The following BTRC variants were observed in gnomAD, a reference collection of about 807,000 sequenced individuals.
BTRC encodes the protein F-box/WD repeat-containing protein 1A.
BTRC carries 42 observed loss-of-function variants against 85.5 expected under a neutral mutation model. That is an observed-to-expected ratio of 0.49 (90% CI 0.38 to 0.64). BTRC has a LOEUF of 0.64. Among genes scored for constraint, BTRC ranks in the 30% least tolerant of loss-of-function variants. The pLI, the probability that BTRC is intolerant of heterozygous loss-of-function variation, is 0.00. For missense variants in BTRC, 594 were observed against 743.5 expected, an observed-to-expected ratio of 0.80 and a Z score of 2.34; for synonymous variants, 255 against 263.3, an observed-to-expected ratio of 0.97 and a Z score of 0.30.
chr10:101,496,531 T>C (rs891487813), intron 4 of BTRC, among the ~76,000 whole-genome samples: 7 of 152,192 alleles, frequency 4.6e-5, no homozygotes, highest in African/African-American at 1.4e-4. Context: ...TCCTCTTGCC[T>C]CAGCCTCCCA....
chr10:101,528,713 T>G (rs1271539774), intron 6 of BTRC, among the ~76,000 whole-genome samples: 1 of 152,228 alleles, frequency 6.6e-6, no homozygotes, highest in East Asian at 1.9e-4. Flanking sequence ...AAAAAAAAAT[T>G]TACTCCATCA....
chr10:101,531,930 C>CT (rs1402031811), intron 7 of BTRC, among the ~76,000 whole-genome samples: 4 of 152,048 alleles, frequency 2.6e-5, no homozygotes, highest in African/African-American at 9.7e-5. Flanking sequence ...ATTGAACCTC[C>CT]TTAGAAGTTC....
intron 1 of BTRC, among the ~76,000 whole-genome samples, chr10:101,401,337 A>G (rs969014697): frequency 6.6e-6 from 1 of 152,186 alleles, no homozygotes; most frequent in African/African-American, 2.4e-5. Context: ...CAGTGTGGCA[A>G]AGAGTGTAAG....
At chr10:101,392,785 A>C (rs1943270587) in intron 1 of BTRC, among the ~76,000 whole-genome samples, 1 of 152,188 alleles carries the variant, frequency 6.6e-6, no homozygotes, top group Non-Finnish European at 1.5e-5. Flanking sequence ...CGGCCTCCCA[A>C]AGTGCTGGAA....
At chr10:101,370,730 C>T (rs775702547) in intron 1 of BTRC, among the ~76,000 whole-genome samples, 6 of 149,926 alleles carry the variant, frequency 4.0e-5, no homozygotes, top group East Asian at 2.0e-4. Context: ...CACCAAACAT[C>T]GGCTAATTTT....
intron 14 of BTRC, among the ~76,000 whole-genome samples, chr10:101,551,799 G>T (rs2062654531): frequency 6.6e-6 from 1 of 152,194 alleles, no homozygotes; most frequent in East Asian, 1.9e-4. Flanking sequence ...TCCTCAGCCA[G>T]GTCGCACAGG....
intron 1 of BTRC, among the ~76,000 whole-genome samples, chr10:101,381,800 CATG>C (rs1329189357): frequency 6.6e-6 from 1 of 151,840 alleles, no homozygotes; most frequent in Non-Finnish European, 1.5e-5. Flanking sequence ...GAGTTGCAGA[CATG>C]ATATTTTACC....
intron 11 of BTRC, among the ~76,000 whole-genome samples, chr10:101,536,041 A>G (rs1042771310): frequency 6.6e-6 from 1 of 152,256 alleles, no homozygotes; most frequent in Non-Finnish European, 1.5e-5. Context: ...GAAAACGTAC[A>G]GTTTTTATAA....
chr10:101,407,054 C>A (rs1251703637), intron 1 of BTRC, among the ~76,000 whole-genome samples: 3 of 152,138 alleles, frequency 2.0e-5, no homozygotes, highest in Non-Finnish European at 2.9e-5. Context: ...TTTCTTGTAG[C>A]CACATTGAAA....
At chr10:101,420,563 C>A (rs1201084178) in intron 1 of BTRC, among the ~76,000 whole-genome samples, 1 of 152,160 alleles carries the variant, frequency 6.6e-6, no homozygotes. Context: ...CTGCTCACTG[C>A]TGTTACAGTT....
chr10:101,461,089 AC>A (rs1945213247), intron 2 of BTRC, among the ~76,000 whole-genome samples: 1 of 152,066 alleles, frequency 6.6e-6, no homozygotes, highest in African/African-American at 2.4e-5. Context: ...TTTAGTAGAG[AC>A]ACAGTTTCAG....
chr10:101,472,130 A>G (rs1479646802), intron 3 of BTRC, among the ~76,000 whole-genome samples: 1 of 152,232 alleles, frequency 6.6e-6, no homozygotes, highest in Non-Finnish European at 1.5e-5. Context: ...ATATTTATAT[A>G]CTTTGAAACC....
At position 101,366,938 on chromosome 10, in the gene BTRC, TTATATATATTTA is replaced by T. The variant is rs1351895157; in HGVS notation, c.48+12727_48+12738del. On this transcript the variant is annotated intron_variant, in intron 1 of 14. Transcript: ENST00000370187. ...TATATTTATATATATTTATATATAT[TTATATATATTTA>T]TATATATATTTATATAAATATATAT... 3.4e-4 allele frequency among the ~76,000 whole-genome samples: 10 copies of T among 29,250 alleles called. 1 individual carries two copies. Among genetic ancestry groups the T allele is most frequent in the Admixed American group, 7.8e-4 (1 of 1,286 alleles). 19.2% of individuals were successfully genotyped at this position (29,250 alleles called of 152,430 possible). A position where few individuals can be genotyped will look rare whatever the true frequency, so the allele number is the denominator to read the frequency against.
At chr10:101,361,536 A>G (rs1344731254) in intron 1 of BTRC, among the ~76,000 whole-genome samples, 1 of 152,256 alleles carries the variant, frequency 6.6e-6, no homozygotes, top group East Asian at 1.9e-4. Context: ...TCTTTCCGTA[A>G]TAAGTCAATC....
At chr10:101,395,792 A>G (rs1762046473) in intron 1 of BTRC, among the ~76,000 whole-genome samples, 1 of 152,180 alleles carries the variant, frequency 6.6e-6, no homozygotes, top group South Asian at 2.1e-4. Flanking sequence ...AATTAGTTCT[A>G]TCCTGTAAAA....
chr10:101,484,813 G>A (rs567558873), intron 4 of BTRC, among the ~76,000 whole-genome samples: 147 of 152,340 alleles, frequency 9.6e-4, no homozygotes, highest in Non-Finnish European at 2.0e-3. Context: ...AACTTCAGAT[G>A]TAATATTCTT....
intron 1 of BTRC, among the ~76,000 whole-genome samples, chr10:101,405,301 C>T (rs1943593301): frequency 6.6e-6 from 1 of 152,024 alleles, no homozygotes; most frequent in African/African-American, 2.4e-5. Context: ...AGGATCACAA[C>T]TCCTCTGATC....
intron 2 of BTRC, among the ~76,000 whole-genome samples, chr10:101,436,340 T>C (rs1306301485): frequency 6.6e-6 from 1 of 152,188 alleles, no homozygotes; most frequent in African/African-American, 2.4e-5. Flanking sequence ...AATGAAATTC[T>C]GACTGTAAGA....
At chr10:101,489,337 A>C (rs1031175579) in intron 4 of BTRC, among the ~76,000 whole-genome samples, 3 of 152,208 alleles carry the variant, frequency 2.0e-5, no homozygotes, top group Non-Finnish European at 4.4e-5. Flanking sequence ...ATTAATATTT[A>C]AAGTCCACTT....
Sources: allele counts gnomAD v4.1 joint callset (sites outside exome capture counted in the v4.1 genomes callset), GRCh38; gene constraint gnomAD v4.1.1; transcripts MANE v1.5; gene names NCBI Gene and HGNC (gene_info 2026-07-23, HGNC 2026-07-21).